TNRC6C: variants seen among roughly 807,000 people sequenced by gnomAD.
TNRC6C encodes trinucleotide repeat containing adaptor 6C.
TNRC6C carries 20 observed loss-of-function variants against 153.7 expected under a neutral mutation model. The ratio of observed to expected loss-of-function variants is 0.13; its 90% CI spans 0.09 to 0.19. TNRC6C has a LOEUF of 0.19. TNRC6C is among the 10% of genes least tolerant of loss of function. The pLI is 1.00. For synonymous variants in TNRC6C, 811 were observed against 841.4 expected (o/e 0.96, Z 0.63); for missense variants, 1,987 against 2,172.0 (o/e 0.91, Z 1.69).
chr17:78,066,013 C>CT (rs1276132560), intron 4 of TNRC6C, among the ~76,000 whole-genome samples: 1 of 152,050 alleles, frequency 6.6e-6, no homozygotes, highest in Non-Finnish European at 1.5e-5. Flanking sequence ...GGTGGACCAC[C>CT]TGAGGTCAGG....
At chr17:78,066,444 T>TA (rs1004552945) in intron 4 of TNRC6C, 58 of 152,294 alleles carry the variant, frequency 3.8e-4, no homozygotes, top group Non-Finnish European at 2.4e-4. Context: ...TACTTTTTTT[T>TA]ACAAACCTAA....
At chr17:78,100,736 C>T (rs550545495) in intron 17 of TNRC6C, among the ~76,000 whole-genome samples, 3 of 151,610 alleles carry the variant, frequency 2.0e-5, no homozygotes, top group Non-Finnish European at 4.4e-5. Context: ...ATTTCTGCAC[C>T]CAGCTTGAAT....
chr17:77,981,371 C>T (rs1285178162), intron 1 of TNRC6C, among the ~76,000 whole-genome samples: 3 of 152,204 alleles, frequency 2.0e-5, no homozygotes, highest in African/African-American at 7.2e-5. Flanking sequence ...AAAGTCCTAA[C>T]CTTCTAATCC....
At chr17:78,021,298 C>G (rs1467026260) in intron 1 of TNRC6C, among the ~76,000 whole-genome samples, 1 of 152,222 alleles carries the variant, frequency 6.6e-6, no homozygotes, top group Admixed American at 6.5e-5. Flanking sequence ...AGAGGGCCAG[C>G]AGAGCACAAA....
chr17:78,034,739 C>T (rs1047439270), intron 2 of TNRC6C, among the ~76,000 whole-genome samples: 2 of 152,092 alleles, frequency 1.3e-5, no homozygotes, highest in African/African-American at 4.8e-5. Context: ...AAGCCCTGGG[C>T]GGGTGAATTG....
rs182647023 is a variant in TNRC6C, at chr17:78,091,968, A to C, written c.3970+361A>C. On this transcript the variant is annotated intron_variant, in intron 14 of 19. Transcript: ENST00000301624. The stretch of plus-strand genomic sequence containing the variant: ...AACATAAATAGAAAATCAAATATAC[A>C]GTATGTATGGGAACTGCAGCTGTAA... 1.1e-3 allele frequency among the ~76,000 whole-genome samples: 175 copies of C among 152,328 alleles called. 1 individual carries two copies. Among genetic ancestry groups the C allele is most frequent in the South Asian group, 4.8e-3 (23 of 4,828 alleles).
At position 78,049,056 on chromosome 17, in the gene TNRC6C, C is replaced by T. The variant is rs369166193; in HGVS notation, c.-7C>T. The T allele has an allele frequency of 6.6e-7, 1 of 1,517,756 alleles. No individual in the cohort carries two copies. Among genetic ancestry groups the T allele is most frequent in the African/African-American group, 1.4e-5 (1 of 72,150 alleles). The allele number at this position is 1,517,756 out of a possible 1,614,324, so 94.0% of individuals were successfully genotyped here. On this transcript the variant is annotated 5_prime_UTR_variant, in exon 3 of 20. Transcript: ENST00000301624. This position sits in a 1 kb window ranked among gnomAD's most constrained non-coding sequence, Gnocchi z 4.1. ...CTGCCTCCAACTGTGGCTCAGAGAACAGTAGCATGGCTACAGGGAGTGCCC... is the reference window on the plus strand; with the variant it reads ...CTGCCTCCAACTGTGGCTCAGAGAATAGTAGCATGGCTACAGGGAGTGCCC...
chr17:78,020,515 C>T (rs1347657389), intron 1 of TNRC6C, among the ~76,000 whole-genome samples: 1 of 152,162 alleles, frequency 6.6e-6, no homozygotes, highest in African/African-American at 2.4e-5. Flanking sequence ...AATTATTTAG[C>T]GGTTTCTGAG....
chr17:78,054,981 A>G (rs537695636), intron 3 of TNRC6C, among the ~76,000 whole-genome samples: 1 of 152,246 alleles, frequency 6.6e-6, no homozygotes, highest in South Asian at 2.1e-4. Flanking sequence ...ACTGTACGCT[A>G]CCATACACCA....
Position 78,050,528 on chromosome 17 carries a change from CAG to C in TNRC6C, c.1467_1468del (p.Gly491GlufsTer56), listed in dbSNP as rs1567937303. 4.3e-6 allele frequency: 7 copies of C among 1,613,804 alleles called. No individual in the cohort carries two copies. Among genetic ancestry groups the C allele is most frequent in the East Asian group, 2.2e-5 (1 of 44,898 alleles). ...TGTGCAGCTACTCAGGCTTCAAACT[CAG>C]GGGGGAAGAACGATGGGTCCATCAT... On this transcript the variant is annotated frameshift_variant, in exon 3 of 20. Coordinates refer to ENST00000301624, the Ensembl canonical transcript of TNRC6C. LOFTEE classifies it high-confidence loss of function.
intron 11 of TNRC6C, among the ~76,000 whole-genome samples, chr17:78,084,708 A>T (rs191163189): frequency 6.7e-6 from 1 of 148,312 alleles, no homozygotes; most frequent in Admixed American, 6.9e-5. Flanking sequence ...GGCTCACTGC[A>T]GCCTCTGCCT....
intron 1 of TNRC6C, among the ~76,000 whole-genome samples, chr17:77,976,860 T>G (rs1309967325): frequency 2.4e-5 from 3 of 127,634 alleles, no homozygotes; most frequent in Non-Finnish European, 3.1e-5. Flanking sequence ...ATCCAGGTGG[T>G]GGAGGTTGCA....
intron 1 of TNRC6C, among the ~76,000 whole-genome samples, chr17:77,969,086 A>C (rs1337114184): frequency 6.6e-6 from 1 of 152,204 alleles, no homozygotes; most frequent in Non-Finnish European, 1.5e-5. Flanking sequence ...CCATGTGCCA[A>C]GTACAGAGCA....
chr17:77,997,489 G>A (rs2143120536), intron 1 of TNRC6C, among the ~76,000 whole-genome samples: 1 of 152,038 alleles, frequency 6.6e-6, no homozygotes, highest in East Asian at 1.9e-4. Context: ...GGTTAACAAA[G>A]ACCTTTATCT....
chr17:78,064,987 A>G, intron 4 of TNRC6C, 50 bp downstream of exon 6: 1 of 1,526,898 alleles, frequency 6.5e-7, no homozygotes, highest in African/African-American at 1.4e-5. Context: ...GAAATGACTC[A>G]AAGTATTGAA....
At chr17:78,070,356 C>CAATTGTG (rs1202022105) in intron 5 of TNRC6C, among the ~76,000 whole-genome samples, 1 of 152,130 alleles carries the variant, frequency 6.6e-6, no homozygotes, top group East Asian at 1.9e-4. Flanking sequence ...GTGGCAGGCT[C>CAATTGTG]AATTGTGAAA....
At chr17:78,012,407 G>C (rs2071650765) in intron 1 of TNRC6C, among the ~76,000 whole-genome samples, 1 of 152,072 alleles carries the variant, frequency 6.6e-6, no homozygotes, top group South Asian at 2.1e-4. Flanking sequence ...TTTCATACCT[G>C]GGTGATGAAA....
At chr17:78,083,054 C>G (rs2073211762) in exon 11 of TNRC6C, 2 of 1,613,906 alleles carry the variant, frequency 1.2e-6, no homozygotes, top group South Asian at 2.2e-5. Flanking sequence ...CAGGTTCAAG[C>G]ACAGCTTTTG....
At chr17:78,033,278 T>A (rs1248105593) in intron 2 of TNRC6C, among the ~76,000 whole-genome samples, 1 of 152,210 alleles carries the variant, frequency 6.6e-6, no homozygotes, top group Admixed American at 6.5e-5. Context: ...ATTAAGTCAA[T>A]AAAATCTTGC....
Sources: allele counts gnomAD v4.1 joint callset (sites outside exome capture counted in the v4.1 genomes callset), GRCh38; gene constraint gnomAD v4.1.1; non-coding constraint Gnocchi (gnomAD v3.1); transcripts MANE v1.5; gene names NCBI Gene and HGNC (gene_info 2026-07-23, HGNC 2026-07-21).